Variants in BBS9 observed in about 807,000 individuals in gnomAD.
The protein encoded by BBS9 is Bardet-Biedl syndrome 9, also known as protein PTHB1.
Under a neutral mutation model 117.7 loss-of-function variants are expected in BBS9, and 89 were observed. The observed-to-expected ratio is 0.76, with a 90% CI of 0.64 to 0.90. The LOEUF is 0.90. BBS9 is among the 40% of genes least tolerant of loss of function. BBS9 has a pLI of 0.00. For missense variants in BBS9, 982 were observed against 1,042.2 expected (o/e 0.94, Z 0.80); for synonymous variants, 379 against 370.9 (o/e 1.02, Z -0.25).
At chr7:33,166,613 C>T (rs901776976) in intron 4 of BBS9, among the ~76,000 whole-genome samples, 1 of 152,248 alleles carries the variant, frequency 6.6e-6, no homozygotes, top group Non-Finnish European at 1.5e-5. Flanking sequence ...AGGTTGATCT[C>T]AGACTGCTGC....
At chr7:33,399,146 A>G (rs921082050) in intron 19 of BBS9, among the ~76,000 whole-genome samples, 4 of 152,220 alleles carry the variant, frequency 2.6e-5, no homozygotes, top group South Asian at 2.1e-4. Context: ...GTGGCTATCT[A>G]TTAGATAGTG....
chr7:33,304,833 C>T (rs1159429524), intron 9 of BBS9, among the ~76,000 whole-genome samples: 1 of 152,124 alleles, frequency 6.6e-6, no homozygotes, highest in African/African-American at 2.4e-5. Context: ...TATAACCTTA[C>T]CCCCAACCCC....
At chr7:33,509,761 G>A (rs1385718031) in intron 20 of BBS9, among the ~76,000 whole-genome samples, 1 of 152,202 alleles carries the variant, frequency 6.6e-6, no homozygotes, top group Non-Finnish European at 1.5e-5. Context: ...CAACCGTGGA[G>A]TGTTTTCTCC....
At chr7:33,502,999 T>C (rs1845653452) in intron 19 of BBS9, among the ~76,000 whole-genome samples, 1 of 152,220 alleles carries the variant, frequency 6.6e-6, no homozygotes, top group Non-Finnish European at 1.5e-5. Flanking sequence ...TATTTTCTTT[T>C]TAGTAGCTTT....
intron 21 of BBS9, among the ~76,000 whole-genome samples, chr7:33,611,508 A>G (rs941203294): frequency 1.8e-4 from 26 of 142,016 alleles, no homozygotes; most frequent in African/African-American, 6.2e-4. Flanking sequence ...TATAAGGTAT[A>G]TTATATATAA....
intron 19 of BBS9, among the ~76,000 whole-genome samples, chr7:33,465,343 T>C (rs376381040): frequency 3.3e-5 from 5 of 151,936 alleles, no homozygotes; most frequent in African/African-American, 9.6e-5. Flanking sequence ...CCAATGCAGA[T>C]CTCTTCTTGG....
At chr7:33,397,164 T>C (rs1157541806) in intron 19 of BBS9, among the ~76,000 whole-genome samples, 1 of 152,114 alleles carries the variant, frequency 6.6e-6, no homozygotes, top group Non-Finnish European at 1.5e-5. Flanking sequence ...GCAAAGGACA[T>C]GAACAGACAC....
rs1025534163 is a variant in BBS9, at chr7:33,257,086, A to G, written c.443-150A>G. On this transcript the variant is annotated intron_variant, in intron 5 of 22. Transcript: ENST00000242067. ...GGGCAATTAGGGATTGGTATTTTTC[A>G]CTATTAGTAATTTTCACACCGAATG... The G allele has an allele frequency of 1.9e-5, 9 of 483,932 alleles. No homozygotes were observed. The Admixed American group carries it at 2.2e-4, about 12-fold the overall frequency. 30.0% of individuals were successfully genotyped at this position (483,932 alleles called of 1,614,324 possible).
intron 9 of BBS9, among the ~76,000 whole-genome samples, chr7:33,331,598 G>A (rs775318415): frequency 1.3e-5 from 2 of 149,976 alleles, no homozygotes; most frequent in Non-Finnish European, 3.0e-5. Flanking sequence ...CAGTAGCACT[G>A]CTATACACTA....
chr7:33,499,454 G>A (rs779924983), intron 19 of BBS9, among the ~76,000 whole-genome samples: 1 of 152,172 alleles, frequency 6.6e-6, no homozygotes, highest in Non-Finnish European at 1.5e-5. Context: ...CATATCATAG[G>A]AATGTCGTTT....
At chr7:33,196,107 G>T (rs1047189812) in intron 5 of BBS9, among the ~76,000 whole-genome samples, 5 of 151,884 alleles carry the variant, frequency 3.3e-5, no homozygotes, top group African/African-American at 9.7e-5. Flanking sequence ...AAAAATTCAT[G>T]AATTCTTTGG....
chr7:33,535,954 C>T (rs560388928), intron 21 of BBS9, among the ~76,000 whole-genome samples: 2 of 151,716 alleles, frequency 1.3e-5, no homozygotes, highest in Non-Finnish European at 2.9e-5. Flanking sequence ...CTGTCTTAGT[C>T]GTTTTTGTTT....
At chr7:33,296,790 A>G (rs544431639) in intron 9 of BBS9, among the ~76,000 whole-genome samples, 7 of 152,328 alleles carry the variant, frequency 4.6e-5, no homozygotes, top group African/African-American at 1.4e-4. Flanking sequence ...AAATTTGTTC[A>G]GAATTAATTT....
At chr7:33,278,017 A>G (rs996981850) in intron 9 of BBS9, among the ~76,000 whole-genome samples, 1 of 152,276 alleles carries the variant, frequency 6.6e-6, no homozygotes, top group Admixed American at 6.5e-5. Context: ...GGCTATTTTT[A>G]CTTAAACTAT....
chr7:33,619,136 G>T (rs1160662351), intron 21 of BBS9, among the ~76,000 whole-genome samples: 2 of 151,968 alleles, frequency 1.3e-5, no homozygotes, highest in African/African-American at 4.8e-5. Flanking sequence ...AATACACATA[G>T]CCTGAAAATG....
chr7:33,536,716 A>G (rs1481168839), intron 21 of BBS9, among the ~76,000 whole-genome samples: 3 of 5,170 alleles, frequency 5.8e-4, no homozygotes, highest in Non-Finnish European at 1.3e-3. Flanking sequence ...CCCCACTTAA[A>G]TTGGTCTAGC....
At chr7:33,459,726 T>C (rs945893218) in intron 19 of BBS9, among the ~76,000 whole-genome samples, 1 of 152,160 alleles carries the variant, frequency 6.6e-6, no homozygotes, top group Non-Finnish European at 1.5e-5. Context: ...CAAGGAGCCC[T>C]GGTCTTTTTA....
chr7:33,340,787 T>C (rs1816353074), intron 10 of BBS9, 110 bp from the exon 11 acceptor site: 1 of 820,840 alleles, frequency 1.2e-6, no homozygotes, highest in East Asian at 2.7e-5. Context: ...AACTTGTGAG[T>C]ATGTTTATGG....
At chr7:33,313,245 A>G (rs1338827928) in intron 9 of BBS9, among the ~76,000 whole-genome samples, 1 of 151,598 alleles carries the variant, frequency 6.6e-6, no homozygotes, top group East Asian at 1.9e-4. Flanking sequence ...TCTCTATATT[A>G]CTCTCTTTAC....
Sources: allele counts gnomAD v4.1 joint callset (sites outside exome capture counted in the v4.1 genomes callset), GRCh38; gene constraint gnomAD v4.1.1; transcripts MANE v1.5; gene names NCBI Gene and HGNC (gene_info 2026-07-23, HGNC 2026-07-21).